SPATA6: variants seen among roughly 807,000 people sequenced by gnomAD.
The protein encoded by SPATA6 is spermatogenesis-associated protein 6.
A neutral mutation model predicts 65.3 loss-of-function variants in SPATA6; 56 were observed. The ratio of observed to expected loss-of-function variants is 0.86; its 90% CI spans 0.69 to 1.07. The LOEUF is 1.07. SPATA6 is among the 50% of genes least tolerant of loss of function. The pLI is 0.00. For missense variants in SPATA6, 590 were observed against 594.8 expected, an observed-to-expected ratio of 0.99 and a Z score of 0.08; for synonymous variants, 199 against 213.2, an observed-to-expected ratio of 0.93 and a Z score of 0.58.
intron 1 of SPATA6, among the ~76,000 whole-genome samples, chr1:48,454,162 C>CA (rs1462391800): frequency 1.3e-5 from 2 of 151,626 alleles, no homozygotes; most frequent in African/African-American, 4.9e-5. Context: ...ACACATAGCA[C>CA]AGTCTCTCCA....
chr1:48,370,511 G>C (rs763818063), intron 9 of SPATA6, among the ~76,000 whole-genome samples: 2 of 152,168 alleles, frequency 1.3e-5, no homozygotes, highest in Admixed American at 6.5e-5. Flanking sequence ...TGCACTATCT[G>C]ATTTGGTTTA....
chr1:48,271,501 C>A, the SPATA6 span, among the ~76,000 whole-genome samples: 1 of 152,034 alleles, frequency 6.6e-6, no homozygotes, highest in East Asian at 1.9e-4. Context: ...TAGCAACAAC[C>A]CTGTTAGACT....
rs754769049 is a variant in SPATA6 at position 48,472,000 on chromosome 1, C to T, written c.9G>A (p.Lys3=). 6.3e-7 allele frequency: 1 copy of T among 1,576,210 alleles called. No homozygotes were observed. Among genetic ancestry groups the T allele is most frequent in the South Asian group, 1.1e-5 (1 of 87,152 alleles). ...CCAGGGCGCACTGCAGCGCCTTCAC[C>T]TTCGGCATCCGTGCGGGGAGGGGCG... is the stretch of plus-strand genomic sequence containing the variant. MP[K]VKALQCALAL... Residue 3 remains lysine (K), a synonymous_variant, in exon 1 of 13, where the codon AAG becomes AAA. Transcript: ENST00000371847.
chr1:48,349,209 A>T (rs1646450528), intron 11 of SPATA6, among the ~76,000 whole-genome samples: 1 of 152,036 alleles, frequency 6.6e-6, no homozygotes, highest in Non-Finnish European at 1.5e-5. Flanking sequence ...TACATACTGC[A>T]TATGATTACT....
At chr1:48,291,603 C>T (rs892365438), downstream of SPATA6, among the ~76,000 whole-genome samples, 1 of 152,090 alleles carries the variant, frequency 6.6e-6, no homozygotes, top group Non-Finnish European at 1.5e-5. Context: ...CCCCCCTCAC[C>T]CAGTAGCACT....
chr1:48,410,174 C>T (rs1418644702), intron 5 of SPATA6, among the ~76,000 whole-genome samples: 1 of 152,210 alleles, frequency 6.6e-6, no homozygotes, highest in African/African-American at 2.4e-5. Context: ...ATTTCTTCCA[C>T]CAGATACCCT....
At chr1:48,423,734 T>C (rs1218416277) in intron 3 of SPATA6, among the ~76,000 whole-genome samples, 1 of 151,822 alleles carries the variant, frequency 6.6e-6, no homozygotes, top group Non-Finnish European at 1.5e-5. Context: ...TTAGTAGAGA[T>C]GGGGTTTCCA....
intron 4 of SPATA6, among the ~76,000 whole-genome samples, chr1:48,412,296 A>C (rs1219076239): frequency 6.6e-6 from 1 of 152,194 alleles, no homozygotes; most frequent in Non-Finnish European, 1.5e-5. Flanking sequence ...CATTTACTAC[A>C]TAAGTAAGGT....
chr1:48,313,890 C>T (rs188129975), intron 11 of SPATA6, among the ~76,000 whole-genome samples: 1 of 152,174 alleles, frequency 6.6e-6, no homozygotes, highest in Admixed American at 6.5e-5. Flanking sequence ...GGGTTGCAAT[C>T]CCAGTCTCTG....
rs530599713 is a variant in SPATA6, at chr1:48,470,691, T to C, written c.51+1267A>G. Reference sequence around the variant, plus strand: ...TAAGTTCTGTGCTGCAGCAACCTCATTCTAACGTGACGAAGGCCAGCCAGG... The same window carrying C: ...TAAGTTCTGTGCTGCAGCAACCTCACTCTAACGTGACGAAGGCCAGCCAGG... On this transcript the variant is annotated intron_variant, in intron 1 of 12. Coordinates refer to ENST00000371847, the MANE Select transcript of SPATA6 (RefSeq NM_019073.4). Among the ~76,000 whole-genome samples, 4 of 152,114 alleles carry C rather than the reference T, an allele frequency of 2.6e-5. No homozygotes were observed. In the East Asian group the frequency reaches 5.8e-4, roughly 22 times the overall value.
chr1:48,262,330 CAAAT>C, the SPATA6 span: 2 of 152,032 alleles, frequency 1.3e-5, no homozygotes, highest in African/African-American at 4.8e-5. Context: ...GTAAGTGAGA[CAAAT>C]AAAGCTTCTG....
intron 1 of SPATA6, among the ~76,000 whole-genome samples, chr1:48,471,674 G>A (rs1658261136): frequency 6.6e-6 from 1 of 152,310 alleles, no homozygotes; most frequent in South Asian, 2.1e-4. Context: ...AAAGTTAGGA[G>A]CGAGGAAAGA....
chr1:48,369,336 T>G (rs142179949), intron 9 of SPATA6, among the ~76,000 whole-genome samples: 2,206 of 152,228 alleles, frequency 0.014, 51 homozygotes, highest in African/African-American at 0.05. Flanking sequence ...CAGGGACATT[T>G]AAGTCTGCTG....
At chr1:48,357,811 T>G (rs953281276) in intron 10 of SPATA6, among the ~76,000 whole-genome samples, 1 of 152,066 alleles carries the variant, frequency 6.6e-6, no homozygotes, top group African/African-American at 2.4e-5. Context: ...ATTTAGAAAA[T>G]ACACTCAAAT....
chr1:48,290,364 AG>A, the SPATA6 span, among the ~76,000 whole-genome samples: 1 of 152,232 alleles, frequency 6.6e-6, no homozygotes, highest in East Asian at 1.9e-4. Flanking sequence ...AAACATCGAA[AG>A]GAACAACTGG....
chr1:48,303,708 T>C (rs1644993700), intron 12 of SPATA6, among the ~76,000 whole-genome samples: 1 of 152,234 alleles, frequency 6.6e-6, no homozygotes, highest in African/African-American at 2.4e-5. Flanking sequence ...TTGTGAATAA[T>C]GCTACAATAA....
intron 3 of SPATA6, among the ~76,000 whole-genome samples, chr1:48,434,535 T>C (rs980036192): frequency 6.6e-6 from 1 of 152,122 alleles, no homozygotes; most frequent in Non-Finnish European, 1.5e-5. Context: ...GGGGTGCTGT[T>C]TTATATATGT....
intron 11 of SPATA6, among the ~76,000 whole-genome samples, chr1:48,311,313 G>C (rs919409766): frequency 6.6e-6 from 1 of 152,030 alleles, no homozygotes; most frequent in Admixed American, 6.5e-5. Flanking sequence ...GTTTTAGTTA[G>C]ACCAAGGCTC....
intron 11 of SPATA6, 118 bp from the exon 12 acceptor site, chr1:48,305,996 G>T: frequency 1.4e-6 from 1 of 699,242 alleles, no homozygotes; most frequent in Non-Finnish European, 2.4e-6. Context: ...ATAAGAAAGG[G>T]AATTAAATGC....
Sources: gnomAD v4.1 joint callset for allele counts (sites outside exome capture counted in the v4.1 genomes callset) on GRCh38, gnomAD v4.1.1 for gene constraint, MANE v1.5 for transcripts, NCBI Gene and HGNC (gene_info 2026-07-23, HGNC 2026-07-21) for gene names.